BAZ2A: variants seen among roughly 807,000 people sequenced by gnomAD.
BAZ2A encodes bromodomain adjacent to zinc finger domain protein 2A.
A neutral mutation model predicts 199.9 loss-of-function variants in BAZ2A; 34 were observed. The ratio of observed to expected loss-of-function variants is 0.17; its 90% CI spans 0.13 to 0.23. The LOEUF is 0.23. Ranked by LOEUF, BAZ2A falls within the 10% of genes least tolerant of loss-of-function variation. The pLI, the probability that BAZ2A is intolerant of heterozygous loss-of-function variation, is 1.00. For synonymous variants in BAZ2A, 857 were observed against 883.9 expected (o/e 0.97, Z 0.54); for missense variants, 2,002 against 2,391.1 (o/e 0.84, Z 3.39).
intron 26 of BAZ2A, 52 bp downstream of exon 26, chr12:56,599,650 G>A: frequency 6.2e-7 from 1 of 1,609,328 alleles, no homozygotes; most frequent in East Asian, 2.2e-5. Flanking sequence ...AGAGATTGAG[G>A]ATAATCTCTG....
rs12306723 is a variant in BAZ2A at position 56,613,828 on chromosome 12, T to G, written c.916+125A>C. ...CTGTGGCATGTAACTGTGGTCTGCC[T>G]TAGGCCTACCTGGAAGCCCCAGTGC... On this transcript the variant is annotated intron_variant, in intron 4 of 28. Coordinates refer to ENST00000549884, the MANE Select transcript of BAZ2A (RefSeq NM_001300905.2). 9,864 of 1,045,738 alleles carry G rather than the reference T, an allele frequency of 9.4e-3. 623 individuals are homozygous for G. The African/African-American group carries it at 0.14, about 15-fold the overall frequency. The allele number at this position is 1,045,738 out of a possible 1,614,324, so 64.8% of individuals were successfully genotyped here.
chr12:56,606,367 G>A, intron 11 of BAZ2A, 55 bp from the exon 12 acceptor site: 12 of 1,601,530 alleles, frequency 7.5e-6, no homozygotes, highest in Non-Finnish European at 1.0e-5. Context: ...ATCTCTGCTT[G>A]GGCTAGGATT....
chr12:56,619,302 G>A (rs1478538693), intron 1 of BAZ2A, among the ~76,000 whole-genome samples: 3 of 151,482 alleles, frequency 2.0e-5, no homozygotes, highest in Non-Finnish European at 4.4e-5. Context: ...CGGAGATCAT[G>A]CCATTGCACT....
intron 10 of BAZ2A, among the ~76,000 whole-genome samples, chr12:56,608,568 ATATTAT>A (rs551031967): frequency 6.6e-6 from 1 of 151,284 alleles, no homozygotes; most frequent in Non-Finnish European, 1.5e-5. Context: ...TATTATTATT[ATATTAT>A]TATTATTATT....
At chr12:56,599,667 G>GT in intron 26 of BAZ2A, 35 bp downstream of exon 26, 1 of 1,611,994 alleles carries the variant, frequency 6.2e-7, no homozygotes, top group Non-Finnish European at 8.5e-7. Context: ...TCTGATTTCT[G>GT]TTTGAGTGTG....
rs1456126301 is a variant in BAZ2A at position 56,596,458 on chromosome 12, C to T, written c.*2160G>A. On this transcript the variant is annotated 3_prime_UTR_variant, in exon 29 of 29. Coordinates refer to ENST00000549884, the MANE Select transcript of BAZ2A (RefSeq NM_001300905.2). ...TCTTCAAACTGAGGCTAGGACCCCACCCCGCCATATGAGTGCCTGGTCCCT... is the reference window on the plus strand; with the variant it reads ...TCTTCAAACTGAGGCTAGGACCCCATCCCGCCATATGAGTGCCTGGTCCCT... The T allele has an allele frequency of 6.6e-6, 1 of 152,344 alleles. No homozygotes were observed. The highest frequency in any genetic ancestry group is 1.5e-5 in the Non-Finnish European group (1 of 68,016). 9.4% of individuals were successfully genotyped at this position (152,344 alleles called of 1,614,324 possible).
intron 19 of BAZ2A, 96 bp downstream of exon 19, chr12:56,602,617 C>A: frequency 6.8e-7 from 1 of 1,471,116 alleles, no homozygotes; most frequent in Non-Finnish European, 9.2e-7. Flanking sequence ...GCTATATTAT[C>A]AGAAAATGAA....
chr12:56,605,417 T>C, intron 13 of BAZ2A, 90 bp from the exon 14 acceptor site: 1 of 1,353,258 alleles, frequency 7.4e-7, no homozygotes, highest in Non-Finnish European at 9.8e-7. Flanking sequence ...CTTTAATTTT[T>C]ATGTAATTTT....
chr12:56,605,565 G>C (rs1314797764), intron 13 of BAZ2A: 1 of 611,906 alleles, frequency 1.6e-6, no homozygotes, highest in Admixed American at 3.2e-5. Context: ...GGGACTACAG[G>C]TACATGCCAC....
chr12:56,604,973 A>C (rs888160605), intron 14 of BAZ2A, 100 bp downstream of exon 14: 13 of 1,461,854 alleles, frequency 8.9e-6, no homozygotes, highest in African/African-American at 2.8e-5. Context: ...GAGAGGAGTC[A>C]GGAAGAAAAA....
intron 5 of BAZ2A, 111 bp downstream of exon 5, chr12:56,612,904 G>A (rs892401983): frequency 2.4e-6 from 3 of 1,240,282 alleles, no homozygotes; most frequent in Admixed American, 2.1e-5. Flanking sequence ...TTACAGGCGT[G>A]AGCCACTGCG....
At position 56,611,574 on chromosome 12, in the gene BAZ2A, C is replaced by A; in HGVS notation, c.1669G>T (p.Gly557Trp). 6.2e-7 allele frequency: 1 copy of A among 1,612,562 alleles called. No individual in the cohort carries two copies. The highest frequency in any genetic ancestry group is 1.1e-5 in the South Asian group (1 of 91,004). ...AATGTAGCAAACTAGAGCATTTACC[C>A]ATGTTGGAGGGGAAGACGAACTTCT... is the stretch of plus-strand genomic sequence containing the variant. The part of the protein sequence containing the change: ...PEEVRLPLQH[G>W]WRREVRIKKG... The change falls in exon 7 of 29, where the codon GGG becomes TGG. Residue 557 changes from glycine (G) to tryptophan (W), a missense_variant and splice_region_variant. Physicochemically the swap from Gly to Trp is radical, Grantham distance 184 (BLOSUM62 -2). Around this residue, in one of 6 missense-constraint regions of BAZ2A, gnomAD observed 641 missense variants for 694.5 expected, o/e 0.92. Coordinates refer to ENST00000549884, the MANE Select transcript of BAZ2A (RefSeq NM_001300905.2).
upstream of BAZ2A, among the ~76,000 whole-genome samples, chr12:56,632,474 G>A (rs752776099): frequency 6.6e-6 from 1 of 152,052 alleles, no homozygotes; most frequent in South Asian, 2.1e-4. Flanking sequence ...GACGGGTGTA[G>A]CCACGCCCCT....
At chr12:56,615,995 C>T (rs557635400) in intron 2 of BAZ2A, among the ~76,000 whole-genome samples, 41 of 152,284 alleles carry the variant, frequency 2.7e-4, no homozygotes, top group Non-Finnish European at 5.1e-4. Flanking sequence ...CCTCTGCCTC[C>T]CTGGTTCAAG....
intron 23 of BAZ2A, 69 bp from the exon 24 acceptor site, chr12:56,600,559 CAA>C (rs1364028916): frequency 1.1e-5 from 17 of 1,556,286 alleles, no homozygotes; most frequent in Admixed American, 5.7e-5. Context: ...AAAAAAAAAA[CAA>C]AAACAAGACC....
chr12:56,607,411 G>A (rs1038340421), intron 10 of BAZ2A, among the ~76,000 whole-genome samples: 3 of 151,968 alleles, frequency 2.0e-5, no homozygotes, highest in East Asian at 1.9e-4. Flanking sequence ...TCACTCTGTC[G>A]CCCAGGCTGA....
intron 1 of BAZ2A, among the ~76,000 whole-genome samples, chr12:56,628,872 C>T (rs1331980886): frequency 1.3e-5 from 2 of 152,180 alleles, no homozygotes; most frequent in African/African-American, 4.8e-5. Flanking sequence ...TTACATAGAG[C>T]GTACCCCGCT....
At position 56,600,232 on chromosome 12, in the gene BAZ2A, T is replaced by C; in HGVS notation, c.4861A>G (p.Asn1621Asp). The change falls in exon 24 of 29, where the codon AAT (asparagine) becomes GAT (aspartate). Residue 1621 changes from asparagine to aspartate, a missense_variant. Asn to Asp is a conservative substitution (Grantham distance 23). Coordinates refer to ENST00000549884, the MANE Select transcript of BAZ2A (RefSeq NM_001300905.2). ...VLEKALLSTP[N>D]GAPEGTTTEI... ...GTAGTGGTGCCCTCAGGGGCACCAT[T>C]AGGTGTGCTAAGCAGGGCCTTCTCC... The C allele has an allele frequency of 6.2e-7, 1 of 1,613,914 alleles. No homozygotes were observed. The highest frequency in any genetic ancestry group is 8.5e-7 in the Non-Finnish European group (1 of 1,179,838).
At chr12:56,609,969 T>C (rs749155716) in intron 9 of BAZ2A, 23 bp from the exon 10 acceptor site, 1 of 1,610,622 alleles carries the variant, frequency 6.2e-7, no homozygotes, top group African/African-American at 1.3e-5. Flanking sequence ...GGGAGACTGT[T>C]ACAGTAGTAA....
Sources: gnomAD v4.1 joint callset for allele counts (sites outside exome capture counted in the v4.1 genomes callset) on GRCh38, gnomAD v4.1.1 for gene constraint, gnomAD v4.1.1 regional missense constraint, MANE v1.5 for transcripts, NCBI Gene and HGNC (gene_info 2026-07-23, HGNC 2026-07-21) for gene names.